The following MCUB variants were observed in gnomAD, a reference collection of about 807,000 sequenced individuals.
MCUB encodes the protein calcium uniporter regulatory subunit MCUb, mitochondrial.
MCUB carries 46 observed loss-of-function variants against 41.4 expected under a neutral mutation model. The ratio of observed to expected loss-of-function variants is 1.11; its 90% CI spans 0.88 to 1.42. The LOEUF (loss-of-function observed/expected upper bound fraction) is 1.42. MCUB is among the 40% of genes most tolerant of loss of function. The probability of loss-of-function intolerance (pLI) is 0.00; values close to 1 mark genes in which losing one functional copy is unlikely to be tolerated. For synonymous variants in MCUB, 148 were observed against 148.2 expected, an observed-to-expected ratio of 1.00 and a Z score of 0.01; for missense variants, 403 against 404.9, an observed-to-expected ratio of 1.00 and a Z score of 0.04.
chr4:109,593,473 C>T (rs1286512516), intron 1 of MCUB, among the ~76,000 whole-genome samples: 2 of 152,184 alleles, frequency 1.3e-5, no homozygotes, highest in Non-Finnish European at 2.9e-5. Context: ...GATTCAGAGA[C>T]TGGATGATTA....
At chr4:109,601,456 T>C (rs1156337859) in intron 1 of MCUB, among the ~76,000 whole-genome samples, 1 of 152,216 alleles carries the variant, frequency 6.6e-6, no homozygotes, top group Non-Finnish European at 1.5e-5. Flanking sequence ...AGTTCAATTG[T>C]TTTAAGTTTT....
intron 1 of MCUB, among the ~76,000 whole-genome samples, chr4:109,605,817 A>G (rs921110839): frequency 2.0e-5 from 3 of 152,162 alleles, no homozygotes; most frequent in Non-Finnish European, 2.9e-5. Flanking sequence ...TTGTCTTGAA[A>G]TCCATTTTGT....
At chr4:109,676,353 A>T (rs1256820489) in intron 4 of MCUB, among the ~76,000 whole-genome samples, 1 of 152,228 alleles carries the variant, frequency 6.6e-6, no homozygotes, top group Non-Finnish European at 1.5e-5. Flanking sequence ...AGTGTGGCCA[A>T]CATAGTGAAA....
chr4:109,669,179 G>T (rs981192220), intron 4 of MCUB, among the ~76,000 whole-genome samples: 1 of 152,078 alleles, frequency 6.6e-6, no homozygotes, highest in African/African-American at 2.4e-5. Context: ...TTTCTCTGAA[G>T]AACTTCTTTT....
At chr4:109,619,078 A>G (rs1160382221) in intron 1 of MCUB, among the ~76,000 whole-genome samples, 1 of 149,554 alleles carries the variant, frequency 6.7e-6, no homozygotes, top group African/African-American at 2.5e-5. Flanking sequence ...CTACCTACCT[A>G]TTTATTGAGA....
intron 3 of MCUB, among the ~76,000 whole-genome samples, chr4:109,662,553 TGA>T (rs1217119739): frequency 6.6e-6 from 1 of 152,194 alleles, no homozygotes; most frequent in African/African-American, 2.4e-5. Flanking sequence ...CTCTTTGGAC[TGA>T]GTGCAAACAC....
intron 1 of MCUB, among the ~76,000 whole-genome samples, chr4:109,598,358 C>T (rs1417002769): frequency 2.0e-5 from 3 of 152,122 alleles, no homozygotes; most frequent in East Asian, 1.9e-4. Flanking sequence ...CTTGGGAGGC[C>T]GAGGCTGGCG....
chr4:109,571,034 G>C (rs1726902799), intron 1 of MCUB, among the ~76,000 whole-genome samples: 1 of 152,158 alleles, frequency 6.6e-6, no homozygotes, highest in Non-Finnish European at 1.5e-5. Flanking sequence ...TCCTATGAGA[G>C]AAGTGACATG....
intron 1 of MCUB, among the ~76,000 whole-genome samples, chr4:109,642,808 G>A (rs1276993944): frequency 6.7e-6 from 1 of 149,020 alleles, no homozygotes; most frequent in Non-Finnish European, 1.5e-5. Context: ...TTTTTTAACT[G>A]TTCTTTTTGT....
chr4:109,626,622 G>A (rs1728364637), intron 1 of MCUB, among the ~76,000 whole-genome samples: 2 of 152,082 alleles, frequency 1.3e-5, no homozygotes, highest in South Asian at 4.1e-4. Context: ...AGACAGGCCT[G>A]GCCGACATGG....
chr4:109,644,019 G>A lies in MCUB; in HGVS notation c.100-14992G>A, dbSNP rs192273373. ...CTGAACCTATTCTGGTTCGGAGGCT[G>A]CCCGATTAAAAAAAAATTAGGTACA... On this transcript the variant is annotated intron_variant, in intron 1 of 7. Transcript: ENST00000394650. 2.0e-3 allele frequency among the ~76,000 whole-genome samples: 310 copies of A among 152,224 alleles called. 1 individual carries two copies. The highest frequency in any genetic ancestry group is 7.0e-3 in the African/African-American group (290 of 41,526).
rs1268726852 is a variant in MCUB at position 109,688,132 on chromosome 4, T to G, written c.*540T>G. The G allele has an allele frequency of 6.6e-6, 1 of 152,394 alleles. No homozygotes were observed. The highest frequency in any genetic ancestry group is 1.5e-5 in the Non-Finnish European group (1 of 68,186). The allele number at this position is 152,394 out of a possible 1,614,324, so 9.4% of individuals were successfully genotyped here. On this transcript the variant is annotated 3_prime_UTR_variant, in exon 8 of 8. Coordinates refer to ENST00000394650, the MANE Select transcript of MCUB (RefSeq NM_017918.5). The stretch of plus-strand genomic sequence containing the variant: ...AAGTATAGTTGGTACTTTTTGAACT[T>G]CAACTGAAACAGTGTATATAAACGA...
intron 1 of MCUB, among the ~76,000 whole-genome samples, chr4:109,567,937 G>A (rs1054570044): frequency 1.3e-5 from 2 of 152,130 alleles, no homozygotes; most frequent in Non-Finnish European, 2.9e-5. Context: ...GACCTCAGGT[G>A]ATCCACCCGC....
intron 2 of MCUB, 107 bp from the exon 3 acceptor site, chr4:109,660,087 TC>T: frequency 1.6e-6 from 1 of 635,506 alleles, no homozygotes; most frequent in Non-Finnish European, 2.8e-6. Flanking sequence ...TTATAAGACT[TC>T]AGAGGTTTGT....
intron 1 of MCUB, among the ~76,000 whole-genome samples, chr4:109,633,606 T>C (rs931209140): frequency 1.3e-5 from 2 of 152,234 alleles, no homozygotes; most frequent in African/African-American, 2.4e-5. Flanking sequence ...AGTACATCAC[T>C]AAATATGCCT....
At chr4:109,612,492 C>T (rs1157250979) in intron 1 of MCUB, among the ~76,000 whole-genome samples, 1 of 151,996 alleles carries the variant, frequency 6.6e-6, no homozygotes, top group Admixed American at 6.5e-5. Context: ...TCTTGAACTC[C>T]TGACCTCAGG....
intron 1 of MCUB, among the ~76,000 whole-genome samples, chr4:109,627,349 A>G (rs555997110): frequency 6.6e-6 from 1 of 152,292 alleles, no homozygotes; most frequent in East Asian, 1.9e-4. Context: ...TTACTTGAGG[A>G]TAAGGTGGTA....
intron 1 of MCUB, among the ~76,000 whole-genome samples, chr4:109,605,124 T>C (rs1727840667): frequency 6.6e-6 from 1 of 152,218 alleles, no homozygotes; most frequent in Admixed American, 6.5e-5. Context: ...TTTGGTATAA[T>C]TCAGCAGTGA....
At chr4:109,568,983 A>AT in intron 1 of MCUB, among the ~76,000 whole-genome samples, 1 of 152,320 alleles carries the variant, frequency 6.6e-6, no homozygotes, top group East Asian at 1.9e-4. Context: ...ATAATTGAAG[A>AT]TTTTTTAAAA....
Sources: allele counts gnomAD v4.1 joint callset (sites outside exome capture counted in the v4.1 genomes callset), GRCh38; gene constraint gnomAD v4.1.1; transcripts MANE v1.5; gene names NCBI Gene and HGNC (gene_info 2026-07-23, HGNC 2026-07-21).